GPRC5D: variants seen among roughly 807,000 people sequenced by gnomAD.
The protein encoded by GPRC5D is G protein-coupled receptor family C group 5 member D.
Under a neutral mutation model 29.3 loss-of-function variants are expected in GPRC5D, and 20 were observed. The observed-to-expected ratio is 0.68, with a 90% CI of 0.48 to 0.99. The LOEUF (loss-of-function observed/expected upper bound fraction) is 0.99, where lower values mean the gene tolerates loss of function less well. Among genes scored for constraint, GPRC5D ranks in the 50% least tolerant of loss-of-function variants. The pLI, the probability that GPRC5D is intolerant of heterozygous loss-of-function variation, is 0.00. For synonymous variants in GPRC5D, 178 were observed against 171.3 expected (o/e 1.04, Z -0.30); for missense variants, 384 against 423.6 (o/e 0.91, Z 0.82).
At chr12:12,941,019 C>A (rs1863132231) in intron 2 of GPRC5D, among the ~76,000 whole-genome samples, 170 bp from the exon 4 acceptor site, 1 of 152,178 alleles carries the variant, frequency 6.6e-6, no homozygotes, top group Non-Finnish European at 1.5e-5. Context: ...TCAAGCAGTT[C>A]TCCTGCTTCA....
In GPRC5D at chr12:12,941,119, C is replaced by T. The variant is rs897650851; in HGVS notation, c.964-270G>A. Among the ~76,000 whole-genome samples, 6 of 152,258 alleles carry T rather than the reference C, an allele frequency of 3.9e-5. 1 individual carries two copies. Among genetic ancestry groups the T allele is most frequent in the Middle Eastern group, 6.8e-3 (2 of 294 alleles). ...AGAGATGGGGTTTCACCATTTTGGC[C>T]AGGCTGGTTTTGAACACCTGACCTC... is the stretch of plus-strand genomic sequence containing the variant. On this transcript the variant is annotated intron_variant, in intron 2 of 2. Coordinates refer to ENST00000228887, the Ensembl canonical transcript of GPRC5D.
At chr12:12,941,316 A>C (rs1048516859) in intron 2 of GPRC5D, among the ~76,000 whole-genome samples, 11 of 152,218 alleles carry the variant, frequency 7.2e-5, no homozygotes, top group African/African-American at 2.4e-4. Flanking sequence ...CCCCTTAGCC[A>C]CGAACAAGAA....
At chr12:12,943,827 C>T (rs17212430) in intron 1 of GPRC5D, among the ~76,000 whole-genome samples, 8,309 of 152,272 alleles carry the variant, frequency 0.055, 283 homozygotes, top group East Asian at 0.13. Flanking sequence ...CCTAATTCTT[C>T]CAGCTCTAGC....
At chr12:12,947,738 G>C (rs138983545) in intron 1 of GPRC5D, among the ~76,000 whole-genome samples, 92 of 152,108 alleles carry the variant, frequency 6.0e-4, no homozygotes, top group Middle Eastern at 6.8e-3. Flanking sequence ...CTAATTTTTT[G>C]TAGAGACGGG....
intron 1 of GPRC5D, among the ~76,000 whole-genome samples, chr12:12,944,888 TC>T (rs1863264370): frequency 7.6e-6 from 1 of 132,214 alleles, no homozygotes; most frequent in Non-Finnish European, 1.6e-5. Flanking sequence ...TTTCTTTCTT[TC>T]TTTCTTTCTT....
Position 12,950,115 on chromosome 12 carries a change from G to A in GPRC5D, c.270C>T (p.Pro90=), listed in dbSNP as rs61731254. ...GAACCCCAAAGAGAAAGTAGCGTAC[G>A]GGGGCAGTTTGTTGATTGAGCTCGA... The change falls in exon 1 of 3, where the codon CCC becomes CCT. Residue 90 remains proline (P), a synonymous_variant. Transcript: ENST00000228887. 2,841 of 1,614,128 alleles carry A rather than the reference G, an allele frequency of 1.8e-3. 38 individuals carry two copies. The Admixed American group carries it at 0.024, about 14-fold the overall frequency.
In GPRC5D at chr12:12,950,317, C is replaced by G. The variant is rs939696663; in HGVS notation, c.68G>C (p.Gly23Ala). The G allele has an allele frequency of 6.3e-5, 101 of 1,611,608 alleles. No homozygotes were observed. Among genetic ancestry groups the G allele is most frequent in the Non-Finnish European group, 8.5e-5 (100 of 1,178,214 alleles). Residue 23 changes from glycine (G) to alanine (A), a missense_variant, in exon 1 of 3, where the codon GGC becomes GCC. Physicochemically the swap from Gly to Ala is moderately conservative, Grantham distance 60. Coordinates refer to ENST00000228887, the Ensembl canonical transcript of GPRC5D. ...TATGGCCAGGGACTCCAGAATGATG[C>G]CCCATGGCCCCTCGGCGTCACAGAG...
At chr12:12,940,732 A>G (rs1193902582), downstream of GPRC5D, 3 of 1,200,736 alleles carry the variant, frequency 2.5e-6, no homozygotes, top group Non-Finnish European at 3.7e-6. Flanking sequence ...TATGCTACCC[A>G]GGACGGTCTG....
chr12:12,948,207 A>G (rs144264527), intron 1 of GPRC5D: 1 of 152,342 alleles, frequency 6.6e-6, no homozygotes, highest in East Asian at 1.9e-4. Context: ...ACGAAAACAC[A>G]AAAAGTTTTA....
At chr12:12,951,852 C>T (rs1171232192), upstream of GPRC5D, among the ~76,000 whole-genome samples, 2 of 152,160 alleles carry the variant, frequency 1.3e-5, no homozygotes, top group Non-Finnish European at 2.9e-5. Context: ...TGTAGTTAAA[C>T]ACCTATTGTG....
downstream of GPRC5D, chr12:12,940,734 G>T (rs1863121018): frequency 8.3e-7 from 1 of 1,202,076 alleles, no homozygotes; most frequent in South Asian, 1.2e-5. Flanking sequence ...TGCTACCCAG[G>T]ACGGTCTGCT....
At chr12:12,949,581 C>T (rs369640440) in exon 1 of GPRC5D, 28 of 1,613,308 alleles carry the variant, frequency 1.7e-5, no homozygotes, top group African/African-American at 2.7e-5. Flanking sequence ...CCTGTCTACA[C>T]GATCTGTAGA....
intron 1 of GPRC5D, among the ~76,000 whole-genome samples, chr12:12,947,756 C>T (rs1471479562): frequency 6.6e-6 from 1 of 152,070 alleles, no homozygotes; most frequent in Non-Finnish European, 1.5e-5. Flanking sequence ...GGGGTTTCGC[C>T]ATGTCGCCCA....
intron 1 of GPRC5D, among the ~76,000 whole-genome samples, chr12:12,944,893 CTT>C (rs1565477589): frequency 2.3e-5 from 3 of 129,724 alleles, no homozygotes; most frequent in African/African-American, 8.4e-5. Context: ...TTCTTTCTTT[CTT>C]TCTTTCTTTC....
intron 1 of GPRC5D, among the ~76,000 whole-genome samples, chr12:12,942,899 C>G (rs551886737): frequency 2.0e-5 from 3 of 152,330 alleles, no homozygotes; most frequent in East Asian, 3.9e-4. Flanking sequence ...AGTTCTTGCT[C>G]TCTCAGTATT....
exon 1 of GPRC5D, chr12:12,949,566 G>A: frequency 1.2e-6 from 2 of 1,613,212 alleles, no homozygotes. Flanking sequence ...CTTGTAAAGG[G>A]CACTCCTGTC....
At chr12:12,946,404 TTCTCTCTCTTTCTC>T (rs1411322189) in intron 1 of GPRC5D, among the ~76,000 whole-genome samples, 10 of 42,706 alleles carry the variant, frequency 2.3e-4, no homozygotes, top group Admixed American at 4.1e-4. Context: ...CTCTCTCTTC[TTCTCTCTCTTTCTC>T]TCTCTCTCTT....
intron 1 of GPRC5D, among the ~76,000 whole-genome samples, chr12:12,944,806 C>CT (rs1565477017): frequency 2.2e-3 from 13 of 6,020 alleles, no homozygotes; most frequent in Non-Finnish European, 2.5e-3. Flanking sequence ...CCTTCCCTTC[C>CT]TTCCTTCCTT....
At chr12:12,949,868 G>A in exon 1 of GPRC5D, 1 of 1,614,176 alleles carries the variant, frequency 6.2e-7, no homozygotes, top group Non-Finnish European at 8.5e-7. Flanking sequence ...TAGACCAGGA[G>A]TACAACAAAG....
Sources: allele counts gnomAD v4.1 joint callset (sites outside exome capture counted in the v4.1 genomes callset), GRCh38; gene constraint gnomAD v4.1.1; transcripts MANE v1.5; gene names NCBI Gene and HGNC (gene_info 2026-07-23, HGNC 2026-07-21).